MICU3: variants seen among roughly 807,000 people sequenced by gnomAD.
MICU3 encodes the protein mitochondrial calcium uptake 3, also known as calcium uptake protein 3, mitochondrial.
Under a neutral mutation model 66.5 loss-of-function variants are expected in MICU3, and 62 were observed. The ratio of observed to expected loss-of-function variants is 0.93; its 90% CI spans 0.76 to 1.15. MICU3 has a LOEUF of 1.15. Ranked by LOEUF, MICU3 falls within the 50% of genes most tolerant of loss-of-function variation. MICU3 has a pLI of 0.00. For synonymous variants in MICU3, 308 were observed against 240.7 expected, an observed-to-expected ratio of 1.28 and a Z score of -2.59; for missense variants, 779 against 664.4, an observed-to-expected ratio of 1.17 and a Z score of -1.90.
rs1289625971 is a variant in MICU3 at position 17,027,727 on chromosome 8, C to CT, written c.381+68dup. The CT allele has an allele frequency of 1.3e-5, 16 of 1,255,906 alleles. No homozygotes were observed. In the African/African-American group the frequency reaches 2.3e-4, roughly 18 times the overall value. The allele number at this position is 1,255,906 out of a possible 1,614,324, so 77.8% of individuals were successfully genotyped here. A position where few individuals can be genotyped will look rare whatever the true frequency, so the allele number is the denominator to read the frequency against. On this transcript the variant is annotated intron_variant, in intron 1 of 14. Coordinates refer to ENST00000318063, the MANE Select transcript of MICU3 (RefSeq NM_181723.3). Reference sequence around the variant, plus strand: ...ACCTTCGTGCCGGGTACGCAGGACCCTGGAGGCTGTGGGGACGGTGCAAGC... The same window carrying CT: ...ACCTTCGTGCCGGGTACGCAGGACCCTTGGAGGCTGTGGGGACGGTGCAAGC...
chr8:17,111,011 T>C (rs1295878746), intron 11 of MICU3, among the ~76,000 whole-genome samples: 2 of 152,208 alleles, frequency 1.3e-5, no homozygotes, highest in Non-Finnish European at 2.9e-5. Context: ...CCATAGACAT[T>C]TGGGCGATTT....
At chr8:17,032,937 T>C (rs546884665) in intron 1 of MICU3, among the ~76,000 whole-genome samples, 11 of 152,342 alleles carry the variant, frequency 7.2e-5, no homozygotes, top group African/African-American at 2.4e-4. Context: ...GACCTTACTA[T>C]TGTAATTGTA....
chr8:17,050,858 G>A (rs1426340753), intron 1 of MICU3, among the ~76,000 whole-genome samples: 3 of 151,970 alleles, frequency 2.0e-5, no homozygotes, highest in Non-Finnish European at 4.4e-5. Flanking sequence ...TTTTCAATGG[G>A]GGGGTTTAAA....
chr8:17,083,726 A>G (rs1438741184), intron 5 of MICU3, among the ~76,000 whole-genome samples: 1 of 152,122 alleles, frequency 6.6e-6, no homozygotes, highest in Non-Finnish European at 1.5e-5. Context: ...CTGCAAAGCC[A>G]TAGTAATGAA....
intron 1 of MICU3, among the ~76,000 whole-genome samples, chr8:17,040,936 G>C (rs1460263975): frequency 6.6e-6 from 1 of 152,172 alleles, no homozygotes; most frequent in Non-Finnish European, 1.5e-5. Context: ...AATTCACTGA[G>C]ACTAGGCCTT....
chr8:17,123,508 A>C (rs1803318569), downstream of MICU3, among the ~76,000 whole-genome samples: 1 of 152,134 alleles, frequency 6.6e-6, no homozygotes, highest in Admixed American at 6.6e-5. Context: ...ATGACAACAT[A>C]TCTTTTCACC....
At chr8:17,103,392 A>T (rs559522526) in intron 9 of MICU3, among the ~76,000 whole-genome samples, 3 of 151,928 alleles carry the variant, frequency 2.0e-5, no homozygotes, top group Admixed American at 6.6e-5. Flanking sequence ...ATGGAGTACT[A>T]TAAGAGTTCT....
At chr8:17,132,356 A>G in the MICU3 span, 2 of 152,190 alleles carry the variant, frequency 1.3e-5, no homozygotes, top group Non-Finnish European at 2.9e-5. Context: ...GCCCACCTCC[A>G]GCCAGAACCT....
chr8:17,125,240 GT>G (rs966218241), downstream of MICU3, among the ~76,000 whole-genome samples: 1 of 151,394 alleles, frequency 6.6e-6, no homozygotes, highest in Non-Finnish European at 1.5e-5. Flanking sequence ...TTCTTGAGGG[GT>G]TTTTTTAATT....
intron 1 of MICU3, among the ~76,000 whole-genome samples, chr8:17,032,042 T>A (rs1208866644): frequency 1.3e-5 from 2 of 152,258 alleles, no homozygotes; most frequent in African/African-American, 2.4e-5. Flanking sequence ...GCACAATATG[T>A]ATTTGTTGAA....
downstream of MICU3, among the ~76,000 whole-genome samples, chr8:17,127,102 G>T (rs1467850081): frequency 6.6e-6 from 1 of 152,176 alleles, no homozygotes; most frequent in Non-Finnish European, 1.5e-5. Flanking sequence ...CAGAATAAAA[G>T]ACAGTAAAGA....
chr8:17,088,938 A>C (rs1400297074), intron 7 of MICU3, among the ~76,000 whole-genome samples: 1 of 152,026 alleles, frequency 6.6e-6, no homozygotes, highest in Non-Finnish European at 1.5e-5. Context: ...CATCTGAATT[A>C]TATAATCTAA....
intron 1 of MICU3, among the ~76,000 whole-genome samples, chr8:17,032,716 G>A (rs922842097): frequency 9.2e-5 from 14 of 152,132 alleles, no homozygotes; most frequent in East Asian, 1.9e-4. Context: ...ACGTTTTGCC[G>A]TGCTTCATTT....
intron 1 of MICU3, among the ~76,000 whole-genome samples, chr8:17,056,129 T>C (rs1477685932): frequency 1.3e-5 from 2 of 152,202 alleles, no homozygotes; most frequent in African/African-American, 4.8e-5. Flanking sequence ...CCGAATCCCC[T>C]GTTTCAGATT....
chr8:17,048,895 C>T lies in MICU3; in HGVS notation c.382-15189C>T, dbSNP rs28420517. Among the ~76,000 whole-genome samples, 524 of 152,190 alleles carry T rather than the reference C, an allele frequency of 3.4e-3. 3 individuals are homozygous for T. The highest frequency in any genetic ancestry group is 0.012 in the African/African-American group (513 of 41,514). On this transcript the variant is annotated intron_variant, in intron 1 of 14. Coordinates refer to ENST00000318063, the MANE Select transcript of MICU3 (RefSeq NM_181723.3). ...CAGCCTCCCAGAGTGCTGAGATTTT[C>T]GACGTGAGCAAGGCACCCAACCTGT...
chr8:17,039,907 T>TTC (rs1813748880), intron 1 of MICU3, among the ~76,000 whole-genome samples: 1 of 125,056 alleles, frequency 8.0e-6, no homozygotes, highest in Non-Finnish European at 1.7e-5. Context: ...TTTTTTTTTT[T>TTC]TTTTTTTTTT....
At chr8:17,108,521 C>G (rs560808942) in intron 11 of MICU3, among the ~76,000 whole-genome samples, 2 of 152,118 alleles carry the variant, frequency 1.3e-5, no homozygotes, top group Non-Finnish European at 1.5e-5. Flanking sequence ...TTCGGTTCTT[C>G]TTAGTTCTTG....
intron 14 of MICU3, among the ~76,000 whole-genome samples, chr8:17,120,073 T>C (rs1476366797): frequency 6.6e-6 from 1 of 152,216 alleles, no homozygotes; most frequent in Non-Finnish European, 1.5e-5. Flanking sequence ...GAGCCATACC[T>C]GGAAGTGGCT....
chr8:17,032,624 G>C (rs755982088), intron 1 of MICU3, among the ~76,000 whole-genome samples: 1 of 152,070 alleles, frequency 6.6e-6, no homozygotes, highest in East Asian at 1.9e-4. Context: ...AGCCTCTTTT[G>C]TCAAGGCAGC....
Sources: allele counts gnomAD v4.1 joint callset (sites outside exome capture counted in the v4.1 genomes callset), GRCh38; gene constraint gnomAD v4.1.1; transcripts MANE v1.5; gene names NCBI Gene and HGNC (gene_info 2026-07-23, HGNC 2026-07-21).